Variants in MAML2 observed in about 807,000 individuals in gnomAD.
MAML2 encodes the protein mastermind-like protein 2.
A neutral mutation model predicts 96.1 loss-of-function variants in MAML2; 22 were observed. The observed-to-expected ratio is 0.23, with a 90% CI of 0.16 to 0.33. MAML2 has a LOEUF of 0.33. MAML2 is among the 10% of genes least tolerant of loss of function. The pLI is 1.00. For synonymous variants in MAML2, 561 were observed against 521.3 expected (o/e 1.08, Z -1.04); for missense variants, 1,367 against 1,392.4 (o/e 0.98, Z 0.29).
Position 96,093,344 on chromosome 11 carries a change from C to T in MAML2, c.687G>A (p.Met229Ile), listed in dbSNP as rs1859765656. The T allele has an allele frequency of 1.2e-6, 2 of 1,614,014 alleles. No homozygotes were observed. Among genetic ancestry groups the T allele is most frequent in the African/African-American group, 1.3e-5 (1 of 75,044 alleles). Residue 229 changes from methionine to isoleucine, a missense_variant, in exon 2 of 5, where the codon ATG becomes ATA. Physicochemically the swap from Met to Ile is conservative, Grantham distance 10 (BLOSUM62 1). Transcript: ENST00000524717. ...LQINNGQSQIMSGTLPMSQAP... is the reference protein window; with the variant it reads ...LQINNGQSQIISGTLPMSQAP... ...CTTGGCTCATAGGCAAGGTCCCTGACATAATCTGACTTTGTCCATTGTTTA... is the reference window on the plus strand; with the variant it reads ...CTTGGCTCATAGGCAAGGTCCCTGATATAATCTGACTTTGTCCATTGTTTA...
rs550727618 is a variant in MAML2, at chr11:96,290,548, C to T, written c.513+50835G>A. ...TCAAGATTTCAAGATCTCATATGAT[C>T]CACATTGCCAGAACCACATTCTACC... On this transcript the variant is annotated intron_variant, in intron 1 of 4. Transcript: ENST00000524717. Among the ~76,000 whole-genome samples the T allele has an allele frequency of 6.7e-4, 102 of 152,270 alleles. 2 individuals carry two copies. In the South Asian group the frequency reaches 0.021, roughly 31 times the overall value.
intron 1 of MAML2, among the ~76,000 whole-genome samples, chr11:96,273,430 G>T (rs926865858): frequency 2.9e-4 from 44 of 152,148 alleles, no homozygotes; most frequent in African/African-American, 1.0e-3. Flanking sequence ...GTAATTTCAT[G>T]CAAATGAAGT....
At chr11:96,245,112 C>T (rs7942358) in intron 1 of MAML2, among the ~76,000 whole-genome samples, 4,989 of 152,090 alleles carry the variant, frequency 0.033, 282 homozygotes, top group African/African-American at 0.11. Flanking sequence ...ATATAATACT[C>T]AGTGTATCTC....
chr11:95,981,750 A>G (rs1345947928), intron 4 of MAML2, among the ~76,000 whole-genome samples: 1 of 152,220 alleles, frequency 6.6e-6, no homozygotes, highest in Non-Finnish European at 1.5e-5. Flanking sequence ...GAGATGACAT[A>G]CAATGCCAGT....
At chr11:96,039,669 G>A (rs1237200163) in intron 2 of MAML2, among the ~76,000 whole-genome samples, 3 of 150,870 alleles carry the variant, frequency 2.0e-5, no homozygotes, top group African/African-American at 4.8e-5. Flanking sequence ...ATCATCGGCC[G>A]GGCGCGGTGG....
At chr11:96,230,284 A>AAT (rs930974659) in intron 1 of MAML2, among the ~76,000 whole-genome samples, 6 of 152,212 alleles carry the variant, frequency 3.9e-5, no homozygotes, top group Admixed American at 3.3e-4. Context: ...AAATTCATTA[A>AAT]TACCTCTTTC....
chr11:96,309,904 T>C (rs1479024395), intron 1 of MAML2, among the ~76,000 whole-genome samples: 1 of 151,992 alleles, frequency 6.6e-6, no homozygotes. Flanking sequence ...GTTTTTGCCA[T>C]GTTGACTAGG....
At chr11:96,281,392 G>T (rs753663351) in intron 1 of MAML2, among the ~76,000 whole-genome samples, 2 of 152,064 alleles carry the variant, frequency 1.3e-5, no homozygotes, top group African/African-American at 2.4e-5. Context: ...TGGGGTCCAG[G>T]TCTGCTCTGG....
At chr11:96,245,590 T>C (rs1407151641) in intron 1 of MAML2, among the ~76,000 whole-genome samples, 1 of 152,186 alleles carries the variant, frequency 6.6e-6, no homozygotes, top group Admixed American at 6.5e-5. Context: ...CACGTTGAGG[T>C]TTCATCTGAA....
intron 1 of MAML2, among the ~76,000 whole-genome samples, chr11:96,165,360 G>A (rs1300689122): frequency 1.3e-5 from 2 of 152,148 alleles, no homozygotes; most frequent in Admixed American, 1.3e-4. Context: ...AAGTTTTCAG[G>A]AGATATCATT....
At chr11:95,987,014 G>T (rs1386173380) in intron 3 of MAML2, among the ~76,000 whole-genome samples, 1 of 152,218 alleles carries the variant, frequency 6.6e-6, no homozygotes, top group East Asian at 1.9e-4. Flanking sequence ...AGGGGTCACA[G>T]GGTGTCTCAG....
chr11:96,323,652 T>C (rs767927628), intron 1 of MAML2, among the ~76,000 whole-genome samples: 5 of 152,230 alleles, frequency 3.3e-5, no homozygotes, highest in Non-Finnish European at 7.3e-5. Context: ...GATGCATTCC[T>C]TCATGGGAAT....
At chr11:96,221,833 C>A (rs1035649328) in intron 1 of MAML2, among the ~76,000 whole-genome samples, 6 of 151,352 alleles carry the variant, frequency 4.0e-5, no homozygotes, top group African/African-American at 1.5e-4. Context: ...AGCAGAAGAA[C>A]AAGGTCAGCA....
At chr11:96,144,493 C>A (rs183106174) in intron 1 of MAML2, among the ~76,000 whole-genome samples, 34 of 152,186 alleles carry the variant, frequency 2.2e-4, no homozygotes, top group African/African-American at 8.2e-4. Context: ...AGCTCTTTTT[C>A]ATGGATTTAG....
At chr11:95,993,870 C>T (rs1356671019) in intron 2 of MAML2, among the ~76,000 whole-genome samples, 4 of 152,130 alleles carry the variant, frequency 2.6e-5, no homozygotes, top group African/African-American at 9.7e-5. Context: ...CACTGTGGTC[C>T]GTGCTTTACG....
intron 1 of MAML2, among the ~76,000 whole-genome samples, chr11:96,217,415 A>C (rs762341935): frequency 6.6e-6 from 1 of 152,182 alleles, no homozygotes; most frequent in African/African-American, 2.4e-5. Flanking sequence ...CACTGTTTCC[A>C]CTTATAGCGT....
At chr11:96,161,326 AATGTATTT>A (rs1861100119) in intron 1 of MAML2, among the ~76,000 whole-genome samples, 1 of 152,222 alleles carries the variant, frequency 6.6e-6, no homozygotes, top group African/African-American at 2.4e-5. Context: ...GTTCCTTTAG[AATGTATTT>A]TTCTATTTGT....
At position 96,341,704 on chromosome 11, in the gene MAML2, C is replaced by T. The variant is rs1472811764; in HGVS notation, c.192G>A (p.Glu64=). 1.9e-6 allele frequency: 3 copies of T among 1,610,436 alleles called. No homozygotes were observed. The highest frequency in any genetic ancestry group is 2.7e-5 in the African/African-American group (2 of 74,862). Reference sequence around the variant, plus strand: ...TGCTTTCTCTTTCCCGGTCTGAGCTCTCGGCCCTACCTCGTTCATATCGTC... The same window carrying T: ...TGCTTTCTCTTTCCCGGTCTGAGCTTTCGGCCCTACCTCGTTCATATCGTC... ...CEGRYERGRA[E]SSDRERESTL... The change falls in exon 1 of 5, where the codon GAG becomes GAA. Residue 64 remains glutamate (E), a synonymous_variant. Coordinates refer to ENST00000524717, the MANE Select transcript of MAML2 (RefSeq NM_032427.4).
intron 1 of MAML2, among the ~76,000 whole-genome samples, chr11:96,243,834 T>C (rs1287198322): frequency 1.3e-5 from 2 of 152,090 alleles, no homozygotes; most frequent in African/African-American, 4.8e-5. Flanking sequence ...TTTGTATTTT[T>C]AGTAGAGAAA....
Sources: allele counts gnomAD v4.1 joint callset (sites outside exome capture counted in the v4.1 genomes callset), GRCh38; gene constraint gnomAD v4.1.1; transcripts MANE v1.5; gene names NCBI Gene and HGNC (gene_info 2026-07-23, HGNC 2026-07-21).